Variants in SHROOM3 observed in about 807,000 individuals in gnomAD.
SHROOM3 encodes the protein protein Shroom3.
A neutral mutation model predicts 138.6 loss-of-function variants in SHROOM3; 47 were observed. The ratio of observed to expected loss-of-function variants is 0.34; its 90% CI spans 0.27 to 0.43. SHROOM3 has a LOEUF of 0.43. Among genes scored for constraint, SHROOM3 ranks in the 20% least tolerant of loss-of-function variants. The probability of loss-of-function intolerance (pLI) is 1.00; values close to 1 mark genes in which losing one functional copy is unlikely to be tolerated. For missense variants in SHROOM3, 2,491 were observed against 2,596.5 expected (o/e 0.96, Z 0.88); for synonymous variants, 1,062 against 1,063.3 (o/e 1.00, Z 0.02).
chr4:76,553,643 A>G (rs1437844417), intron 1 of SHROOM3, among the ~76,000 whole-genome samples: 1 of 151,978 alleles, frequency 6.6e-6, no homozygotes, highest in Non-Finnish European at 1.5e-5. Context: ...GGTGTGTGCC[A>G]CCACACCCGT....
chr4:76,676,849 A>G (rs1382551829), intron 2 of SHROOM3, among the ~76,000 whole-genome samples: 2 of 149,750 alleles, frequency 1.3e-5, no homozygotes, highest in Non-Finnish European at 3.0e-5. Flanking sequence ...AGGCTGAGGC[A>G]GGAGAATGGC....
intron 2 of SHROOM3, among the ~76,000 whole-genome samples, chr4:76,593,467 A>G (rs372938151): frequency 6.5e-4 from 99 of 152,348 alleles, no homozygotes; most frequent in African/African-American, 2.3e-3. Context: ...AAAGAATGAT[A>G]AAACCACCCA....
chr4:76,712,507 A>G (rs965443724), intron 3 of SHROOM3, among the ~76,000 whole-genome samples: 3 of 152,238 alleles, frequency 2.0e-5, no homozygotes, highest in Admixed American at 1.3e-4. Flanking sequence ...ATGTATATCT[A>G]CTTACTATCT....
At chr4:76,631,203 C>CTTTTTTTTTTT (rs71212436) in intron 2 of SHROOM3, among the ~76,000 whole-genome samples, 1 of 104,204 alleles carries the variant, frequency 9.6e-6, no homozygotes. Context: ...TTTTTTTAAT[C>CTTTTTTTTTTT]TTTTTTTTTT....
rs760768267 is a variant in SHROOM3, at chr4:76,739,112, C to A, written c.939C>A (p.Thr313=). ...GCTATGTCAAGACAGTCTATGACAC[C>A]CGGAGGGGAGTCTCAGCAGAGTATG... ...DIRYVKTVYD[T]RRGVSAEYEV... Residue 313 remains threonine, a synonymous_variant, in exon 5 of 11, where the codon ACC becomes ACA. Coordinates refer to ENST00000296043, the MANE Select transcript of SHROOM3 (RefSeq NM_020859.4). 5.0e-6 allele frequency: 8 copies of A among 1,614,172 alleles called. No homozygotes were observed. Among genetic ancestry groups the A allele is most frequent in the Middle Eastern group, 1.6e-4 (1 of 6,062 alleles).
chr4:76,706,933 G>A (rs185861717), intron 2 of SHROOM3, among the ~76,000 whole-genome samples: 3 of 152,308 alleles, frequency 2.0e-5, no homozygotes, highest in African/African-American at 4.8e-5. Flanking sequence ...AAATGATGTC[G>A]AAATTGAAAC....
chr4:76,671,225 G>A (rs557901069), intron 2 of SHROOM3, among the ~76,000 whole-genome samples: 55 of 152,296 alleles, frequency 3.6e-4, no homozygotes, highest in Non-Finnish European at 7.1e-4. Flanking sequence ...ACCTCCAGGT[G>A]TACTCCCACG....
At chr4:76,515,313 G>A (rs1043931476) in intron 1 of SHROOM3, among the ~76,000 whole-genome samples, 2 of 151,856 alleles carry the variant, frequency 1.3e-5, no homozygotes, top group Non-Finnish European at 2.9e-5. Flanking sequence ...TTGAGTCCAG[G>A]AGGTTGAGGC....
chr4:76,713,461 C>T (rs1249262129), intron 3 of SHROOM3, among the ~76,000 whole-genome samples: 1 of 152,138 alleles, frequency 6.6e-6, no homozygotes, highest in African/African-American at 2.4e-5. Flanking sequence ...TCTGGAAGGT[C>T]TGCAGGGGCA....
At chr4:76,747,188 A>T (rs966493917) in intron 5 of SHROOM3, among the ~76,000 whole-genome samples, 1 of 152,194 alleles carries the variant, frequency 6.6e-6, no homozygotes, top group African/African-American at 2.4e-5. Context: ...AACAAAAATA[A>T]ATCAGACACT....
chr4:76,541,625 GCACACA>G (rs149127524), intron 1 of SHROOM3, among the ~76,000 whole-genome samples: 2 of 148,652 alleles, frequency 1.3e-5, no homozygotes, highest in South Asian at 2.2e-4. Flanking sequence ...ATATGTGGGC[GCACACA>G]CACACACACA....
At chr4:76,462,637 T>C (rs1468531525) in intron 1 of SHROOM3, among the ~76,000 whole-genome samples, 3 of 152,026 alleles carry the variant, frequency 2.0e-5, no homozygotes, top group Non-Finnish European at 2.9e-5. Context: ...GAGATCTGGT[T>C]GTTTGAAAGT....
intron 2 of SHROOM3, among the ~76,000 whole-genome samples, chr4:76,625,564 T>A (rs1416462865): frequency 1.3e-5 from 2 of 151,874 alleles, no homozygotes; most frequent in Non-Finnish European, 2.9e-5. Context: ...CTCATCAAGA[T>A]AAAGTCAAGA....
At chr4:76,527,607 A>G (rs769401220) in intron 1 of SHROOM3, among the ~76,000 whole-genome samples, 3 of 152,248 alleles carry the variant, frequency 2.0e-5, no homozygotes, top group Non-Finnish European at 4.4e-5. Flanking sequence ...AACTAACTCC[A>G]ACTGGGTAAA....
At chr4:76,693,370 G>GTTTTTTTTTTTTTTTTTTTTTTTT (rs10648549) in intron 2 of SHROOM3, among the ~76,000 whole-genome samples, 2 of 79,810 alleles carry the variant, frequency 2.5e-5, no homozygotes, top group African/African-American at 1.0e-4. Flanking sequence ...TGATAAGTTT[G>GTTTTTTTTTTTTTTTTTTTTTTTT]TTTTTTTTTT....
At chr4:76,730,708 CAG>C in intron 3 of SHROOM3, 94 bp from the exon 4 acceptor site, 1 of 1,535,886 alleles carries the variant, frequency 6.5e-7, no homozygotes, top group Non-Finnish European at 9.0e-7. Flanking sequence ...TCTGAGGACA[CAG>C]CAGTCTTCGC....
intron 1 of SHROOM3, among the ~76,000 whole-genome samples, chr4:76,473,443 A>G (rs1383327306): frequency 6.6e-6 from 1 of 152,116 alleles, no homozygotes; most frequent in Non-Finnish European, 1.5e-5. Flanking sequence ...CCCCATCTCT[A>G]TGAAAAATTT....
At chr4:76,456,780 G>T (rs1731035721) in intron 1 of SHROOM3, among the ~76,000 whole-genome samples, 1 of 152,194 alleles carries the variant, frequency 6.6e-6, no homozygotes, top group Admixed American at 6.5e-5. Flanking sequence ...AATCACCTGG[G>T]TGCAGGCGGG....
chr4:76,584,954 C>T (rs1405059761), intron 2 of SHROOM3, among the ~76,000 whole-genome samples: 1 of 152,122 alleles, frequency 6.6e-6, no homozygotes, highest in Non-Finnish European at 1.5e-5. Context: ...CCATTCCTAT[C>T]CCACATTTGC....
Sources: allele counts gnomAD v4.1 joint callset (sites outside exome capture counted in the v4.1 genomes callset), GRCh38; gene constraint gnomAD v4.1.1; transcripts MANE v1.5; gene names NCBI Gene and HGNC (gene_info 2026-07-23, HGNC 2026-07-21).